Variants in EPC1 observed in about 807,000 individuals in gnomAD.
EPC1 encodes enhancer of polycomb 1.
EPC1 carries 12 observed loss-of-function variants against 98.4 expected under a neutral mutation model. The observed-to-expected ratio is 0.12, with a 90% CI of 0.08 to 0.20. EPC1 has a LOEUF of 0.20. Among genes scored for constraint, EPC1 ranks in the 10% least tolerant of loss-of-function variants. The pLI is 1.00. For missense variants in EPC1, 729 were observed against 990.5 expected (o/e 0.74, Z 3.54); for synonymous variants, 357 against 363.9 (o/e 0.98, Z 0.21).
chr10:32,346,255 G>C (rs572636140), intron 1 of EPC1, among the ~76,000 whole-genome samples: 244 of 152,286 alleles, frequency 1.6e-3, no homozygotes, highest in Non-Finnish European at 2.4e-3. Context: ...CCAGACCATG[G>C]GGCAATCAAA....
At position 32,291,234 on chromosome 10, in the gene EPC1, T is replaced by C; in HGVS notation, c.904A>G (p.Ile302Val). The change falls in exon 6 of 14, where the codon ATC becomes GTC. Residue 302 changes from isoleucine (I) to valine (V), a missense_variant. Transcript: ENST00000319778. ...PMKPTYAIPIIPITNSSQFKH... is the reference protein window; with the variant it reads ...PMKPTYAIPIVPITNSSQFKH... The stretch of plus-strand genomic sequence containing the variant: ...AATTGACTGCTATTAGTAATAGGGA[T>C]GATGGGGATGGCATAAGTAGGTTTC... 6.2e-7 allele frequency: 1 copy of C among 1,613,984 alleles called. No individual in the cohort carries two copies. The highest frequency in any genetic ancestry group is 8.5e-7 in the Non-Finnish European group (1 of 1,179,866).
intron 1 of EPC1, among the ~76,000 whole-genome samples, chr10:32,366,699 CA>C (rs10713304): frequency 0.62 from 93,411 of 151,832 alleles, 29,013 homozygotes; most frequent in Middle Eastern, 0.7. Context: ...AATGACAGAA[CA>C]AAAAGCAGCA....
intron 2 of EPC1, among the ~76,000 whole-genome samples, chr10:32,296,413 A>G (rs1835161051): frequency 6.6e-6 from 1 of 152,206 alleles, no homozygotes; most frequent in African/African-American, 2.4e-5. Context: ...TACACTTGCC[A>G]TAGCTTCTGG....
chr10:32,332,457 A>G (rs1837695208), intron 1 of EPC1, among the ~76,000 whole-genome samples: 1 of 152,224 alleles, frequency 6.6e-6, no homozygotes, highest in Admixed American at 6.5e-5. Context: ...CCAACAGCAC[A>G]TGGCAGAAGT....
intron 1 of EPC1, among the ~76,000 whole-genome samples, chr10:32,327,836 G>A (rs1451621369): frequency 1.3e-5 from 2 of 152,116 alleles, no homozygotes; most frequent in African/African-American, 2.4e-5. Flanking sequence ...TATAACTTTG[G>A]GGGACACCAG....
At chr10:32,376,293 CAT>C (rs761912705) in intron 1 of EPC1, among the ~76,000 whole-genome samples, 69 of 152,164 alleles carry the variant, frequency 4.5e-4, no homozygotes, top group African/African-American at 1.4e-3. Flanking sequence ...CTTATATACA[CAT>C]GTTTAGTTTT....
intron 1 of EPC1, among the ~76,000 whole-genome samples, chr10:32,335,558 C>T (rs1837906347): frequency 6.6e-6 from 1 of 152,042 alleles, no homozygotes; most frequent in African/African-American, 2.4e-5. Context: ...CTTCCCATTG[C>T]CAGTTCTATC....
chr10:32,278,648 T>C (rs530468178), intron 10 of EPC1, among the ~76,000 whole-genome samples: 1 of 152,262 alleles, frequency 6.6e-6, no homozygotes, highest in Non-Finnish European at 1.5e-5. Flanking sequence ...AAACCAAAAG[T>C]AACCCCAAAT....
chr10:32,358,985 T>C (rs915159369), intron 1 of EPC1, among the ~76,000 whole-genome samples: 16 of 152,172 alleles, frequency 1.1e-4, no homozygotes, highest in Admixed American at 3.9e-4. Flanking sequence ...ATGTATAGGC[T>C]CAGGGAAGTC....
chr10:32,312,917 G>A (rs1255543750), intron 1 of EPC1, among the ~76,000 whole-genome samples: 3 of 152,144 alleles, frequency 2.0e-5, no homozygotes, highest in Admixed American at 6.6e-5. Context: ...TCATTCAACA[G>A]ATATCTAATG....
chr10:32,280,934 TCTGCATTGAC>T (rs1228681208), intron 10 of EPC1, among the ~76,000 whole-genome samples: 1 of 152,210 alleles, frequency 6.6e-6, no homozygotes, highest in East Asian at 1.9e-4. Flanking sequence ...CAAAACTTTT[TCTGCATTGAC>T]CTGATACTAC....
intron 1 of EPC1, among the ~76,000 whole-genome samples, chr10:32,333,412 G>C (rs1285213336): frequency 1.3e-5 from 2 of 152,194 alleles, no homozygotes; most frequent in Non-Finnish European, 2.9e-5. Flanking sequence ...TAGCAAAGGA[G>C]AGTTTCAACT....
intron 1 of EPC1, chr10:32,346,451 A>C: frequency 3.4e-6 from 1 of 294,980 alleles, no homozygotes. Context: ...GGCCCAACCC[A>C]AGAACTAAGA....
At chr10:32,275,895 C>G (rs1278318613) in intron 10 of EPC1, among the ~76,000 whole-genome samples, 2 of 151,970 alleles carry the variant, frequency 1.3e-5, no homozygotes, top group South Asian at 4.2e-4. Context: ...TGATATCACA[C>G]CATTGCACTC....
chr10:32,358,267 C>G (rs1382789454), intron 1 of EPC1, among the ~76,000 whole-genome samples: 1 of 151,980 alleles, frequency 6.6e-6, no homozygotes, highest in African/African-American at 2.4e-5. Context: ...TAAGAATTAC[C>G]CTCTTAAAGT....
intron 12 of EPC1, 29 bp downstream of exon 12, chr10:32,271,997 C>T (rs745506747): frequency 6.2e-7 from 1 of 1,601,692 alleles, no homozygotes; most frequent in East Asian, 2.2e-5. Context: ...TAAATATAAC[C>T]CAAACAATTT....
At chr10:32,325,806 A>C (rs1837241529) in intron 1 of EPC1, among the ~76,000 whole-genome samples, 1 of 151,922 alleles carries the variant, frequency 6.6e-6, no homozygotes, top group African/African-American at 2.4e-5. Flanking sequence ...TAACTCTATA[A>C]AGGCAAATTA....
Position 32,268,438 on chromosome 10 carries a change from CCTTTT to C in EPC1, c.*620_*624del, listed in dbSNP as rs1432883779. The C allele has an allele frequency of 5.9e-5, 4 of 68,164 alleles. No individual in the cohort carries two copies. Among genetic ancestry groups the C allele is most frequent in the Admixed American group, 2.9e-4 (1 of 3,456 alleles). The allele number at this position is 68,164 out of a possible 1,614,324, so 4.2% of individuals were successfully genotyped here. On this transcript the variant is annotated 3_prime_UTR_variant, in exon 14 of 14. Coordinates refer to ENST00000319778, the MANE Select transcript of EPC1 (RefSeq NM_001272004.3). The stretch of plus-strand genomic sequence containing the variant: ...TTCCCCATTTTTAAAAAAACTGATG[CCTTTT>C]TTTTTTTTTTTTTTTTTGTAAAATT...
chr10:32,317,085 TC>T (rs1032572319), intron 1 of EPC1, among the ~76,000 whole-genome samples: 12 of 151,994 alleles, frequency 7.9e-5, no homozygotes, highest in Admixed American at 7.2e-4. Context: ...AACACTGTGT[TC>T]CCCAACTCTG....
Sources: gnomAD v4.1 joint callset for allele counts (sites outside exome capture counted in the v4.1 genomes callset) on GRCh38, gnomAD v4.1.1 for gene constraint, MANE v1.5 for transcripts, NCBI Gene and HGNC (gene_info 2026-07-23, HGNC 2026-07-21) for gene names.